ADCY2: variants seen among roughly 807,000 people sequenced by gnomAD.
The protein encoded by ADCY2 is adenylate cyclase 2.
In ADCY2, 31 loss-of-function variants were observed where a neutral mutation model predicts 125.2. The observed-to-expected ratio is 0.25, with a 90% confidence interval of 0.19 to 0.33. The LOEUF is 0.33. Ranked by LOEUF, ADCY2 falls within the 10% of genes least tolerant of loss-of-function variation. The pLI is 1.00. For synonymous variants in ADCY2, 512 were observed against 548.4 expected, an observed-to-expected ratio of 0.93 and a Z score of 0.93; for missense variants, 904 against 1,418.2, an observed-to-expected ratio of 0.64 and a Z score of 5.82.
At chr5:7,688,377 C>A (rs892975877) in intron 4 of ADCY2, among the ~76,000 whole-genome samples, 3 of 151,978 alleles carry the variant, frequency 2.0e-5, no homozygotes, top group African/African-American at 7.3e-5. Context: ...AAGTGATTCT[C>A]CTGCCTCAGC....
chr5:7,623,793 ACCTG>A (rs1351977110), intron 3 of ADCY2, among the ~76,000 whole-genome samples: 1 of 152,166 alleles, frequency 6.6e-6, no homozygotes, highest in African/African-American at 2.4e-5. Flanking sequence ...CCTGCATATC[ACCTG>A]CACACACATC....
chr5:7,582,558 G>C (rs543697045), intron 3 of ADCY2, among the ~76,000 whole-genome samples: 3 of 151,932 alleles, frequency 2.0e-5, no homozygotes, highest in Admixed American at 1.3e-4. Context: ...TATATACAAA[G>C]AATAATATAT....
intron 20 of ADCY2, chr5:7,795,141 A>G (rs1210115405): frequency 1.3e-5 from 2 of 152,180 alleles, no homozygotes; most frequent in African/African-American, 4.8e-5. Flanking sequence ...AGAGCAAAGC[A>G]TCTGTCCCAG....
intron 2 of ADCY2, among the ~76,000 whole-genome samples, chr5:7,509,251 T>C (rs992379876): frequency 3.3e-5 from 5 of 152,028 alleles, no homozygotes; most frequent in Non-Finnish European, 7.4e-5. Flanking sequence ...GCATGCATGG[T>C]GAATGGAGAG....
intron 4 of ADCY2, among the ~76,000 whole-genome samples, chr5:7,673,062 A>G (rs1023871217): frequency 1.3e-5 from 2 of 151,478 alleles, no homozygotes; most frequent in African/African-American, 2.4e-5. Context: ...ATGTAATTTT[A>G]TTAACCAAGT....
intron 4 of ADCY2, among the ~76,000 whole-genome samples, chr5:7,684,923 C>T (rs140135337): frequency 1.5e-4 from 23 of 152,308 alleles, no homozygotes; most frequent in African/African-American, 5.1e-4. Context: ...TGCCTAGTGA[C>T]TTTAATATGC....
At chr5:7,672,189 T>C (rs1739958755) in intron 4 of ADCY2, among the ~76,000 whole-genome samples, 5 of 152,168 alleles carry the variant, frequency 3.3e-5, no homozygotes. Context: ...TAACTTAAAA[T>C]TTATTATTTT....
intron 2 of ADCY2, among the ~76,000 whole-genome samples, chr5:7,518,823 C>G (rs1275036990): frequency 1.3e-5 from 2 of 152,160 alleles, no homozygotes. Context: ...AGGTGCCCTT[C>G]TCTCAGGACG....
In ADCY2 at chr5:7,784,466, T is replaced by TAC; in HGVS notation, c.2469+18_2469+19insCA. 6.3e-7 allele frequency: 1 copy of TAC among 1,577,890 alleles called. No individual in the cohort carries two copies. Among genetic ancestry groups the TAC allele is most frequent in the Non-Finnish European group, 8.7e-7 (1 of 1,147,852 alleles). ...GGTAGACAGGTAAGAAGTCTGTTTA[T>TAC]ATATATGTATGTATACCTTCTCTAA... is the stretch of plus-strand genomic sequence containing the variant. On this transcript the variant is annotated intron_variant, in intron 19 of 24. Transcript: ENST00000338316.
At chr5:7,793,257 G>A (rs1744311051) in intron 20 of ADCY2, among the ~76,000 whole-genome samples, 1 of 152,144 alleles carries the variant, frequency 6.6e-6, no homozygotes, top group African/African-American at 2.4e-5. Flanking sequence ...GACCAGTCTG[G>A]CCAACATAGT....
chr5:7,544,727 C>G (rs368047764), intron 3 of ADCY2, among the ~76,000 whole-genome samples: 75 of 152,306 alleles, frequency 4.9e-4, no homozygotes, highest in African/African-American at 1.6e-3. Context: ...TGCTCATGCT[C>G]AGGCCCACAC....
At chr5:7,569,567 C>G (rs1736011032) in intron 3 of ADCY2, among the ~76,000 whole-genome samples, 1 of 152,130 alleles carries the variant, frequency 6.6e-6, no homozygotes, top group South Asian at 2.1e-4. Flanking sequence ...TCTTCAGTTA[C>G]CAGGGTACTC....
chr5:7,669,440 G>T (rs1233914368), intron 4 of ADCY2, among the ~76,000 whole-genome samples: 1 of 152,062 alleles, frequency 6.6e-6, no homozygotes, highest in Non-Finnish European at 1.5e-5. Flanking sequence ...TGGGTGCATT[G>T]GGATCACATT....
chr5:7,755,961 G>A (rs1742979852), intron 15 of ADCY2, among the ~76,000 whole-genome samples: 1 of 152,192 alleles, frequency 6.6e-6, no homozygotes, highest in South Asian at 2.1e-4. Flanking sequence ...TTGCCAATAG[G>A]TTAACTTGGT....
chr5:7,717,917 A>C (rs1741641584), intron 12 of ADCY2, among the ~76,000 whole-genome samples: 1 of 152,204 alleles, frequency 6.6e-6, no homozygotes, highest in South Asian at 2.1e-4. Context: ...TGCACGTCAG[A>C]CATTCCATTC....
intron 14 of ADCY2, among the ~76,000 whole-genome samples, chr5:7,741,768 C>T (rs1742435104): frequency 9.8e-6 from 1 of 101,748 alleles, no homozygotes; most frequent in Non-Finnish European, 2.1e-5. Flanking sequence ...CTATCACTGT[C>T]ACCATACCAT....
chr5:7,567,929 T>TTC (rs10590625), intron 3 of ADCY2, among the ~76,000 whole-genome samples: 4,000 of 146,510 alleles, frequency 0.027, 161 homozygotes, highest in African/African-American at 0.085. Flanking sequence ...CGTCCTCTCT[T>TTC]TCTCTCTCTC....
intron 2 of ADCY2, among the ~76,000 whole-genome samples, chr5:7,466,107 G>A (rs904254941): frequency 1.3e-5 from 2 of 152,096 alleles, no homozygotes; most frequent in African/African-American, 4.8e-5. Context: ...ATTTTAAGAT[G>A]AAATTCTTTA....
intron 3 of ADCY2, among the ~76,000 whole-genome samples, chr5:7,592,939 TGG>T (rs894059823): frequency 5.9e-5 from 9 of 152,222 alleles, no homozygotes; most frequent in Non-Finnish European, 1.0e-4. Flanking sequence ...GAATTCCTCC[TGG>T]GATTGTGCGA....
Sources: allele counts gnomAD v4.1 joint callset (sites outside exome capture counted in the v4.1 genomes callset), GRCh38; gene constraint gnomAD v4.1.1; transcripts MANE v1.5; gene names NCBI Gene and HGNC (gene_info 2026-07-23, HGNC 2026-07-21).